TDRD3: variants seen among roughly 807,000 people sequenced by gnomAD.
TDRD3 encodes the protein tudor domain-containing protein 3.
Under a neutral mutation model 86.7 loss-of-function variants are expected in TDRD3, and 45 were observed. The ratio of observed to expected loss-of-function variants is 0.52; its 90% CI spans 0.41 to 0.67. TDRD3 has a LOEUF of 0.67. Among genes scored for constraint, TDRD3 ranks in the 30% least tolerant of loss-of-function variants. The pLI, the probability that TDRD3 is intolerant of heterozygous loss-of-function variation, is 0.00. For missense variants in TDRD3, 814 were observed against 889.0 expected (o/e 0.92, Z 1.07); for synonymous variants, 298 against 301.7 (o/e 0.99, Z 0.13).
chr13:60,487,447 G>A (rs1004661186), intron 7 of TDRD3, among the ~76,000 whole-genome samples: 17 of 152,042 alleles, frequency 1.1e-4, no homozygotes, highest in African/African-American at 4.1e-4. Context: ...TTGCGCTCCA[G>A]CCTGGGCAAT....
At chr13:60,407,767 C>A (rs574004292) in intron 1 of TDRD3, among the ~76,000 whole-genome samples, 3 of 152,190 alleles carry the variant, frequency 2.0e-5, no homozygotes, top group Admixed American at 6.5e-5. Flanking sequence ...GCAACAAATT[C>A]TTTTCTTTTT....
chr13:60,430,109 A>G (rs1358286458), intron 1 of TDRD3, among the ~76,000 whole-genome samples: 2 of 152,158 alleles, frequency 1.3e-5, no homozygotes, highest in Non-Finnish European at 2.9e-5. Context: ...TCCCACATGT[A>G]TTGAAAGGTA....
intron 12 of TDRD3, among the ~76,000 whole-genome samples, chr13:60,539,713 T>C (rs1031540318): frequency 6.6e-6 from 1 of 151,864 alleles, no homozygotes; most frequent in African/African-American, 2.4e-5. Flanking sequence ...AGTTACCTTT[T>C]CAAATTCAAA....
At chr13:60,461,393 G>A (rs939765579) in intron 4 of TDRD3, among the ~76,000 whole-genome samples, 1 of 152,088 alleles carries the variant, frequency 6.6e-6, no homozygotes, top group African/African-American at 2.4e-5. Context: ...TGGAATGGAC[G>A]AAAACAATGA....
At chr13:60,431,155 ATAG>A (rs891894442) in intron 1 of TDRD3, among the ~76,000 whole-genome samples, 11 of 152,054 alleles carry the variant, frequency 7.2e-5, no homozygotes, top group African/African-American at 2.7e-4. Context: ...ATTCAAAATT[ATAG>A]TAGTCTATTT....
At chr13:60,492,970 G>A (rs1217874550) in intron 7 of TDRD3, among the ~76,000 whole-genome samples, 1 of 137,476 alleles carries the variant, frequency 7.3e-6, no homozygotes, top group East Asian at 2.2e-4. Flanking sequence ...CCAGGTTGGA[G>A]TGCAGTGGCG....
intron 1 of TDRD3, among the ~76,000 whole-genome samples, chr13:60,413,934 T>C (rs996174723): frequency 1.1e-4 from 17 of 152,094 alleles, no homozygotes; most frequent in African/African-American, 1.7e-4. Context: ...ACAGGAAGAA[T>C]AGAAATTTGA....
intron 12 of TDRD3, among the ~76,000 whole-genome samples, chr13:60,544,456 AAAAG>A (rs1468606483): frequency 2.4e-4 from 36 of 150,354 alleles, no homozygotes; most frequent in Non-Finnish European, 3.3e-4. Context: ...AAAAAAAAAA[AAAAG>A]AAAGAAAGAA....
chr13:60,567,386 C>T, intron 12 of TDRD3, 139 bp from the exon 13 acceptor site: 1 of 1,030,888 alleles, frequency 9.7e-7, no homozygotes, highest in Non-Finnish European at 1.4e-6. Flanking sequence ...CCTTGCCTCC[C>T]TCTGTTGTAA....
At chr13:60,481,349 G>GTTTT (rs796837758) in intron 5 of TDRD3, among the ~76,000 whole-genome samples, 5 of 137,374 alleles carry the variant, frequency 3.6e-5, no homozygotes, top group African/African-American at 5.4e-5. Flanking sequence ...CCCTCTTTGT[G>GTTTT]TTTTTTTTTT....
At chr13:60,542,845 A>G (rs1471301169) in intron 12 of TDRD3, among the ~76,000 whole-genome samples, 1 of 151,626 alleles carries the variant, frequency 6.6e-6, no homozygotes, top group East Asian at 1.9e-4. Context: ...ACCTCTGGTG[A>G]GTGGTATCTT....
intron 8 of TDRD3, among the ~76,000 whole-genome samples, chr13:60,497,982 C>T (rs1005248024): frequency 5.3e-5 from 8 of 150,930 alleles, no homozygotes; most frequent in Admixed American, 3.3e-4. Flanking sequence ...TATTGCAGCT[C>T]GGGGGGTTAA....
At position 60,540,841 on chromosome 13, in the gene TDRD3, TTA is replaced by T. The variant is rs1418160829; in HGVS notation, c.2118+5610_2118+5611del. ...CTTTATTGAGTAATGAAAATATAGA[TTA>T]TGTTATTATTTCATGTTTCATTTTT... is the stretch of plus-strand genomic sequence containing the variant. On this transcript the variant is annotated intron_variant, in intron 12 of 13. Coordinates refer to ENST00000377881, the MANE Select transcript of TDRD3 (RefSeq NM_001146070.2). Among the ~76,000 whole-genome samples the T allele has an allele frequency of 2.0e-5, 3 of 152,154 alleles. No homozygotes were observed. In the East Asian group the frequency reaches 5.8e-4, roughly 29 times the overall value.
At chr13:60,465,354 G>A (rs1392492668) in intron 4 of TDRD3, among the ~76,000 whole-genome samples, 3 of 152,116 alleles carry the variant, frequency 2.0e-5, no homozygotes, top group African/African-American at 7.2e-5. Flanking sequence ...AATTGGGAAC[G>A]CTTCTTCACT....
intron 3 of TDRD3, among the ~76,000 whole-genome samples, chr13:60,457,619 C>A (rs547072822): frequency 1.3e-5 from 2 of 152,196 alleles, no homozygotes; most frequent in African/African-American, 2.4e-5. Context: ...TTATCTGAGG[C>A]TGCTGTAACA....
chr13:60,444,618 A>C, intron 2 of TDRD3, 65 bp from the exon 3 acceptor site: 2 of 936,238 alleles, frequency 2.1e-6, no homozygotes, highest in South Asian at 3.8e-5. Flanking sequence ...TCTTTTGTTC[A>C]TGAGGTTAGA....
chr13:60,464,469 A>G (rs1027279282), intron 4 of TDRD3, among the ~76,000 whole-genome samples: 3 of 152,146 alleles, frequency 2.0e-5, no homozygotes, highest in South Asian at 2.1e-4. Flanking sequence ...TTATTGTAGC[A>G]CTATTCACAA....
intron 10 of TDRD3, among the ~76,000 whole-genome samples, chr13:60,516,518 T>A (rs552021719): frequency 5.3e-5 from 8 of 152,300 alleles, no homozygotes; most frequent in African/African-American, 1.9e-4. Context: ...AAAAGGACAG[T>A]GTACTGGAGC....
At chr13:60,440,741 TTTTC>T (rs1955243875) in intron 2 of TDRD3, among the ~76,000 whole-genome samples, 2 of 152,246 alleles carry the variant, frequency 1.3e-5, no homozygotes, top group South Asian at 4.1e-4. Flanking sequence ...CTCTGATTGT[TTTTC>T]TATGTAGCTT....
Sources: gnomAD v4.1 joint callset for allele counts (sites outside exome capture counted in the v4.1 genomes callset) on GRCh38, gnomAD v4.1.1 for gene constraint, MANE v1.5 for transcripts, NCBI Gene and HGNC (gene_info 2026-07-23, HGNC 2026-07-21) for gene names.